The following PKNOX2 variants were observed in gnomAD, a reference collection of about 807,000 sequenced individuals.
The protein encoded by PKNOX2 is homeobox protein PKNOX2.
Under a neutral mutation model 53.1 loss-of-function variants are expected in PKNOX2, and 14 were observed. The ratio of observed to expected loss-of-function variants is 0.26; its 90% CI spans 0.17 to 0.41. The LOEUF is 0.41. Ranked by LOEUF, PKNOX2 falls within the 10% of genes least tolerant of loss-of-function variation. The pLI, the probability that PKNOX2 is intolerant of heterozygous loss-of-function variation, is 1.00. For synonymous variants in PKNOX2, 257 were observed against 242.8 expected, an observed-to-expected ratio of 1.06 and a Z score of -0.54; for missense variants, 496 against 602.8, an observed-to-expected ratio of 0.82 and a Z score of 1.85.
Position 125,363,102 on chromosome 11 carries a change from G to A in PKNOX2, c.88-4744G>A, listed in dbSNP as rs184852263. On this transcript the variant is annotated intron_variant, in intron 4 of 12. Coordinates refer to ENST00000298282, the MANE Select transcript of PKNOX2 (RefSeq NM_001382323.2). ...GAGAGGGACGTGCATGGAGGTGATG[G>A]CCCCAGGGTCTTTGCCCCAAGAAAG... Among the ~76,000 whole-genome samples the A allele has an allele frequency of 3.9e-5, 6 of 152,262 alleles. No homozygotes were observed. The East Asian group carries it at 1.2e-3, about 29-fold the overall frequency.
intron 1 of PKNOX2, among the ~76,000 whole-genome samples, chr11:125,200,782 C>T (rs1024060492): frequency 1.3e-5 from 2 of 152,188 alleles, no homozygotes; most frequent in Non-Finnish European, 2.9e-5. Flanking sequence ...CTGGGTTGAC[C>T]GTCACTGCAT....
intron 10 of PKNOX2, among the ~76,000 whole-genome samples, chr11:125,423,086 G>A (rs676393): frequency 0.15 from 23,121 of 151,724 alleles, 1,922 homozygotes; most frequent in Non-Finnish European, 0.18. Flanking sequence ...ACATATATAC[G>A]TATGTATATA....
chr11:125,302,106 G>A (rs766741445), intron 2 of PKNOX2, among the ~76,000 whole-genome samples: 12 of 152,228 alleles, frequency 7.9e-5, no homozygotes, highest in Non-Finnish European at 1.3e-4. Flanking sequence ...GAGGGGCTAT[G>A]CTGCCTGGAG....
At chr11:125,321,397 C>T (rs1056112768) in intron 2 of PKNOX2, among the ~76,000 whole-genome samples, 1 of 152,182 alleles carries the variant, frequency 6.6e-6, no homozygotes, top group Non-Finnish European at 1.5e-5. Context: ...ATATAACCTA[C>T]GCACATACTC....
intron 2 of PKNOX2, among the ~76,000 whole-genome samples, chr11:125,318,152 G>A (rs1221118847): frequency 6.6e-6 from 1 of 152,040 alleles, no homozygotes; most frequent in Non-Finnish European, 1.5e-5. Context: ...TGTCACCCAG[G>A]CTGGAATACA....
rs576002509 is a variant in PKNOX2, at chr11:125,405,901, C to T, written c.589-4295C>T. On this transcript the variant is annotated intron_variant, in intron 7 of 12. Transcript: ENST00000298282. The stretch of plus-strand genomic sequence containing the variant: ...AGAGGCTTGGGGACACCACGGCTGT[C>T]TTCCTAGTGGAACAAAACGAACAGA... 4.2e-4 allele frequency among the ~76,000 whole-genome samples: 64 copies of T among 152,314 alleles called. 2 individuals are homozygous for T. The South Asian group carries it at 9.5e-3, about 23-fold the overall frequency.
intron 5 of PKNOX2, among the ~76,000 whole-genome samples, chr11:125,368,280 C>T (rs529038676): frequency 6.6e-6 from 1 of 152,316 alleles, no homozygotes; most frequent in South Asian, 2.1e-4. Context: ...GCCAAACAGG[C>T]AGCTGCCTCA....
At chr11:125,356,040 C>A (rs971918545) in intron 4 of PKNOX2, among the ~76,000 whole-genome samples, 25 of 143,658 alleles carry the variant, frequency 1.7e-4, no homozygotes, top group Non-Finnish European at 2.7e-4. Context: ...CCCCCCCCCC[C>A]ACAACTTTTC....
intron 2 of PKNOX2, among the ~76,000 whole-genome samples, chr11:125,308,631 C>G (rs928186473): frequency 6.6e-6 from 1 of 152,124 alleles, no homozygotes; most frequent in African/African-American, 2.4e-5. Context: ...CTTCCCCACT[C>G]AGGAGTTTCA....
intron 10 of PKNOX2, among the ~76,000 whole-genome samples, chr11:125,424,393 C>T (rs1348667546): frequency 2.6e-5 from 4 of 151,938 alleles, no homozygotes; most frequent in Non-Finnish European, 5.9e-5. Context: ...TTGGGTACAT[C>T]CCACCATCAG....
chr11:125,198,914 C>T (rs1938100875), intron 1 of PKNOX2, among the ~76,000 whole-genome samples: 1 of 151,186 alleles, frequency 6.6e-6, no homozygotes, highest in Non-Finnish European at 1.5e-5. Context: ...GATCTTGGCT[C>T]ACTGCAACCT....
chr11:125,287,696 T>C (rs1946999928), intron 2 of PKNOX2: 2 of 152,306 alleles, frequency 1.3e-5, no homozygotes, highest in African/African-American at 2.4e-5. Flanking sequence ...CTCAGTCTTC[T>C]GGGGAACAAA....
At chr11:125,190,463 T>A (rs561821912) in intron 1 of PKNOX2, among the ~76,000 whole-genome samples, 2 of 152,336 alleles carry the variant, frequency 1.3e-5, no homozygotes, top group South Asian at 4.1e-4. Context: ...ATGGCCTGAT[T>A]AATTCTCTCA....
intron 5 of PKNOX2, among the ~76,000 whole-genome samples, chr11:125,377,349 G>C (rs1220940112): frequency 2.0e-5 from 3 of 152,224 alleles, no homozygotes; most frequent in Admixed American, 1.3e-4. Context: ...AGGGCTCGGA[G>C]GAGGCGATGG....
intron 7 of PKNOX2, among the ~76,000 whole-genome samples, chr11:125,399,031 C>T (rs1954580892): frequency 6.6e-6 from 1 of 152,232 alleles, no homozygotes; most frequent in African/African-American, 2.4e-5. Context: ...ACTCTATCTC[C>T]CCAGATTGGT....
intron 3 of PKNOX2, among the ~76,000 whole-genome samples, chr11:125,341,693 T>A (rs80283478): frequency 0.033 from 4,950 of 152,264 alleles, 129 homozygotes; most frequent in East Asian, 0.12. Flanking sequence ...TGGAGCCAAG[T>A]GTTGATGAAG....
rs1951383976 is a variant in PKNOX2, at chr11:125,352,639, C to T, written c.87+1247C>T. Among the ~76,000 whole-genome samples the T allele has an allele frequency of 6.6e-6, 1 of 152,198 alleles. No individual in the cohort carries two copies. Among genetic ancestry groups the T allele is most frequent in the South Asian group, 2.1e-4 (1 of 4,824 alleles). Reference sequence around the variant, plus strand: ...GAGATTACCAGATGCTGTGGGGCTTCTTTCTAGCGTACCCAGCATATGGAA... The same window carrying T: ...GAGATTACCAGATGCTGTGGGGCTTTTTTCTAGCGTACCCAGCATATGGAA... On this transcript the variant is annotated intron_variant, in intron 4 of 12. Coordinates refer to ENST00000298282, the MANE Select transcript of PKNOX2 (RefSeq NM_001382323.2). The surrounding 1 kb of genome is among the most constrained non-coding windows in gnomAD (Gnocchi z 4.1).
At chr11:125,174,388 AAATTGAGAACAAGCT>A (rs1277664308) in intron 1 of PKNOX2, among the ~76,000 whole-genome samples, 53 of 152,340 alleles carry the variant, frequency 3.5e-4, no homozygotes, top group African/African-American at 1.3e-3. Context: ...AACGCATGTG[AAATTGAGAACAAGCT>A]ATATGACCTT....
At chr11:125,278,140 G>A (rs55910350) in intron 2 of PKNOX2, among the ~76,000 whole-genome samples, 25,045 of 151,174 alleles carry the variant, frequency 0.17, 2,934 homozygotes, top group Admixed American at 0.34. Flanking sequence ...GATCACTTGA[G>A]TCTAGGAGGT....
Sources: allele counts gnomAD v4.1 joint callset (sites outside exome capture counted in the v4.1 genomes callset), GRCh38; gene constraint gnomAD v4.1.1; non-coding constraint Gnocchi (gnomAD v3.1); transcripts MANE v1.5; gene names NCBI Gene and HGNC (gene_info 2026-07-23, HGNC 2026-07-21).